Variants in ECHDC2 observed in about 807,000 individuals in gnomAD.
The protein encoded by ECHDC2 is enoyl-CoA hydratase domain-containing protein 2, mitochondrial.
ECHDC2 carries 34 observed loss-of-function variants against 40.6 expected under a neutral mutation model. The observed-to-expected ratio is 0.84, with a 90% CI of 0.64 to 1.11. The LOEUF is 1.11. Among genes scored for constraint, ECHDC2 ranks in the 50% most tolerant of loss-of-function variants. The probability of loss-of-function intolerance (pLI) is 0.00; values close to 1 mark genes in which losing one functional copy is unlikely to be tolerated. For missense variants in ECHDC2, 392 were observed against 400.7 expected (o/e 0.98, Z 0.19); for synonymous variants, 162 against 166.6 (o/e 0.97, Z 0.21).
Position 52,896,469 on chromosome 1 carries a change from G to C in ECHDC2, c.*51C>G, listed in dbSNP as rs1407631229. On this transcript the variant is annotated 3_prime_UTR_variant, in exon 10 of 10. Transcript: ENST00000371522. ...AATCTGGCCACAAATCTTCCTTCTG[G>C]ATCCTGCTCTTCAGGGCATGCATCT... 1 of 1,439,598 alleles carries C rather than the reference G, an allele frequency of 6.9e-7. No homozygotes were observed. Among genetic ancestry groups the C allele is most frequent in the Admixed American group, 1.7e-5 (1 of 59,774 alleles). The allele number at this position is 1,439,598 out of a possible 1,614,324, so 89.2% of individuals were successfully genotyped here.
Position 52,907,693 on chromosome 1 carries a change from C to T in ECHDC2, c.364+175G>A, listed in dbSNP as rs112325050. The T allele has an allele frequency of 5.2e-3, 3,042 of 584,416 alleles. 34 individuals are homozygous for T. Among genetic ancestry groups the T allele is most frequent in the Middle Eastern group, 0.047 (102 of 2,154 alleles). The allele number at this position is 584,416 out of a possible 1,614,324, so 36.2% of individuals were successfully genotyped here. A position where few individuals can be genotyped will look rare whatever the true frequency, so the allele number is the denominator to read the frequency against. ...ACAAAAGCTGAAGAGCCAGAACTCCCTCTCTGAGAGAACTGCCCTCGGTCA... is the reference window on the plus strand; with the variant it reads ...ACAAAAGCTGAAGAGCCAGAACTCCTTCTCTGAGAGAACTGCCCTCGGTCA... On this transcript the variant is annotated intron_variant, in intron 4 of 9. Transcript: ENST00000371522.
intron 8 of ECHDC2, 148 bp from the exon 9 acceptor site, chr1:52,897,632 C>T (rs1007954838): frequency 2.4e-5 from 18 of 765,880 alleles, no homozygotes; most frequent in Admixed American, 6.1e-5. Flanking sequence ...AAACACCATT[C>T]GTAACTATGA....
At chr1:52,898,953 C>T (rs1646811057) in intron 8 of ECHDC2, 2 of 615,736 alleles carry the variant, frequency 3.2e-6, no homozygotes, top group Non-Finnish European at 5.8e-6. Flanking sequence ...ATCTCATCCT[C>T]TCTCCAAGGG....
Position 52,899,184 on chromosome 1 carries a change from CG to C in ECHDC2, c.742del (p.Arg248GlufsTer28). ...AVRLGKVAID[R>X]GTEVDIASGM... ...CCAAAACCCTCTCACCTCCGTTCCT[CG>C]GTCAATGGCTACTTTGCCCAGCCGC... On this transcript the variant is annotated frameshift_variant, in exon 8 of 10. Coordinates refer to ENST00000371522, the MANE Select transcript of ECHDC2 (RefSeq NM_001198961.2). LOFTEE classifies it high-confidence loss of function. The C allele has an allele frequency of 6.2e-7, 1 of 1,614,188 alleles. No individual in the cohort carries two copies. The highest frequency in any genetic ancestry group is 2.2e-5 in the East Asian group (1 of 44,876).
At chr1:52,915,373 G>A in intron 1 of ECHDC2, 1 of 455,978 alleles carries the variant, frequency 2.2e-6, no homozygotes, top group Admixed American at 2.3e-5. Flanking sequence ...GAAAGTTTCT[G>A]GGCTCTCAAG....
chr1:52,913,808 G>T, intron 1 of ECHDC2: 1 of 547,664 alleles, frequency 1.8e-6, no homozygotes, highest in Non-Finnish European at 2.4e-6. Flanking sequence ...TTCGCTCTTG[G>T]TGGTGTACAC....
At chr1:52,915,285 AG>A (rs1215390122) in intron 1 of ECHDC2, 18 of 455,988 alleles carry the variant, frequency 3.9e-5, no homozygotes, top group African/African-American at 3.6e-4. Flanking sequence ...CAGGGTCCTC[AG>A]CTTTGTCTGT....
chr1:52,904,588 C>T, intron 7 of ECHDC2, 58 bp downstream of exon 7: 2 of 1,454,100 alleles, frequency 1.4e-6, no homozygotes, highest in African/African-American at 1.4e-5. Flanking sequence ...ACACCCTGCC[C>T]CACACATGCC....
chr1:52,914,017 C>T lies in ECHDC2; in HGVS notation c.122-2227G>A. The T allele has an allele frequency of 1.6e-6, 2 of 1,220,694 alleles. No homozygotes were observed. Among genetic ancestry groups the T allele is most frequent in the Non-Finnish European group, 1.1e-6 (1 of 948,600 alleles). The allele number at this position is 1,220,694 out of a possible 1,614,324, so 75.6% of individuals were successfully genotyped here. A position where few individuals can be genotyped will look rare whatever the true frequency, so the allele number is the denominator to read the frequency against. ...ACTCATTTGTACATTTATATATTTG[C>T]TGTGTGCTGGCCTCTACTAGACACC... On this transcript the variant is annotated intron_variant, in intron 1 of 9. Coordinates refer to ENST00000371522, the MANE Select transcript of ECHDC2 (RefSeq NM_001198961.2). The surrounding 1 kb of genome is among the most constrained non-coding windows in gnomAD (Gnocchi z 4.0).
At chr1:52,921,006 C>T (rs1345586869) in intron 1 of ECHDC2, among the ~76,000 whole-genome samples, 2 of 152,246 alleles carry the variant, frequency 1.3e-5, no homozygotes, top group African/African-American at 2.4e-5. Flanking sequence ...CCCCACCCCT[C>T]GTCCCCGCTC....
chr1:52,908,220 A>G (rs1382843649), intron 3 of ECHDC2, among the ~76,000 whole-genome samples: 1 of 152,186 alleles, frequency 6.6e-6, no homozygotes. Context: ...AAGACAACCC[A>G]CAGAAATGGC....
chr1:52,897,299 G>T, intron 9 of ECHDC2, 138 bp downstream of exon 9: 1 of 875,048 alleles, frequency 1.1e-6, no homozygotes, highest in Non-Finnish European at 1.9e-6. Flanking sequence ...CACTCCAGGT[G>T]ACTTATGAGG....
At chr1:52,899,153 C>T (rs1348414367) in intron 8 of ECHDC2, 21 bp downstream of exon 8, 7 of 1,613,982 alleles carry the variant, frequency 4.3e-6, no homozygotes, top group Non-Finnish European at 5.9e-6. Context: ...GGACCCAAGT[C>T]CCAACCCAAA....
rs115807478 is a variant in ECHDC2 at position 52,919,449 on chromosome 1, A to G, written c.121+2104T>C. Among the ~76,000 whole-genome samples the G allele has an allele frequency of 5.1e-3, 782 of 152,260 alleles. 8 individuals carry two copies. Among genetic ancestry groups the G allele is most frequent in the African/African-American group, 0.018 (762 of 41,544 alleles). ...GTATTCTAGGAGCAACAGGCTATAC[A>G]CCATGTAGCCTTGGTGTGCAGTAGG... On this transcript the variant is annotated intron_variant, in intron 1 of 9. Transcript: ENST00000371522.
At chr1:52,921,747 C>G, upstream of ECHDC2, 3 of 1,423,442 alleles carry the variant, frequency 2.1e-6, no homozygotes, top group Non-Finnish European at 2.7e-6. Context: ...GCTCGCAGTT[C>G]CGGCGTCGGG....
intron 1 of ECHDC2, chr1:52,915,217 T>C (rs932940236): frequency 4.8e-5 from 22 of 455,880 alleles, no homozygotes; most frequent in South Asian, 2.6e-4. Context: ...ATCCAGCAGG[T>C]GCCCAGAGGA....
intron 1 of ECHDC2, 111 bp downstream of exon 1, chr1:52,921,442 G>A (rs1327464805): frequency 2.1e-6 from 3 of 1,446,928 alleles, no homozygotes; most frequent in Non-Finnish European, 2.7e-6. Context: ...CTGGGAGGGA[G>A]GGACTGGGGA....
intron 3 of ECHDC2, among the ~76,000 whole-genome samples, chr1:52,908,473 G>T (rs1648522234): frequency 6.6e-6 from 1 of 152,034 alleles, no homozygotes; most frequent in Non-Finnish European, 1.5e-5. Flanking sequence ...CTGCACTCCA[G>T]CCTCGGTGAC....
At position 52,921,616 on chromosome 1, in the gene ECHDC2, C is replaced by T. The variant is rs960827670; in HGVS notation, c.58G>A (p.Ala20Thr). ...GAGCCCCCGGCCGCCCCGTCGGAAG[C>T]GCAGCCGCGGGCCCGAAGGGGCCTC... is the stretch of plus-strand genomic sequence containing the variant. ...PWRPLRARGC[A>T]SDGAAGGSEI... Residue 20 changes from alanine (A) to threonine (T), a missense_variant, in exon 1 of 10, where the codon GCT becomes ACT. Transcript: ENST00000371522. The T allele has an allele frequency of 1.3e-6, 2 of 1,599,726 alleles. No homozygotes were observed. The highest frequency in any genetic ancestry group is 1.7e-5 in the Admixed American group (1 of 58,658).
Sources: allele counts gnomAD v4.1 joint callset (sites outside exome capture counted in the v4.1 genomes callset), GRCh38; gene constraint gnomAD v4.1.1; non-coding constraint Gnocchi (gnomAD v3.1); transcripts MANE v1.5; gene names NCBI Gene and HGNC (gene_info 2026-07-23, HGNC 2026-07-21).